The following WDSUB1 variants were observed in gnomAD, a reference collection of about 807,000 sequenced individuals.
WDSUB1 encodes WD repeat, SAM and U-box domain-containing protein 1.
Under a neutral mutation model 53.9 loss-of-function variants are expected in WDSUB1, and 49 were observed. That is an observed-to-expected ratio of 0.91 (90% CI 0.72 to 1.15). The LOEUF (loss-of-function observed/expected upper bound fraction) is 1.15, where lower values mean the gene tolerates loss of function less well. Among genes scored for constraint, WDSUB1 ranks in the 50% most tolerant of loss-of-function variants. The pLI is 0.00. For missense variants in WDSUB1, 514 were observed against 562.0 expected, an observed-to-expected ratio of 0.91 and a Z score of 0.86; for synonymous variants, 194 against 200.6, an observed-to-expected ratio of 0.97 and a Z score of 0.28.
intron 5 of WDSUB1, among the ~76,000 whole-genome samples, chr2:159,268,308 C>T (rs1230251014): frequency 2.0e-5 from 3 of 151,310 alleles, no homozygotes; most frequent in African/African-American, 7.2e-5. Flanking sequence ...GGCACATAAT[C>T]ATTCTGTCAG....
chr2:159,272,850 T>A (rs182241876), intron 4 of WDSUB1, among the ~76,000 whole-genome samples: 135 of 152,316 alleles, frequency 8.9e-4, no homozygotes, highest in Non-Finnish European at 1.8e-3. Flanking sequence ...TTTTCATGCT[T>A]TTAGAATTAC....
intron 9 of WDSUB1, among the ~76,000 whole-genome samples, chr2:159,255,429 TG>T (rs1186329223): frequency 6.6e-6 from 1 of 152,086 alleles, no homozygotes; most frequent in Non-Finnish European, 1.5e-5. Flanking sequence ...ATCGCGCCAC[TG>T]CACACCGGCC....
chr2:159,258,320 G>T (rs2061114535), intron 6 of WDSUB1, among the ~76,000 whole-genome samples: 1 of 152,062 alleles, frequency 6.6e-6, no homozygotes, highest in Non-Finnish European at 1.5e-5. Flanking sequence ...TCATATTTTT[G>T]ACTATGGCAT....
At position 159,283,023 on chromosome 2, in the gene WDSUB1, T is replaced by G. The variant is rs776731675; in HGVS notation, c.47A>C (p.Asn16Thr). 6.2e-7 allele frequency: 1 copy of G among 1,614,044 alleles called. No homozygotes were observed. Residue 16 changes from asparagine to threonine, a missense_variant, in exon 2 of 11, where the codon AAC (asparagine) becomes ACC (threonine). By Grantham distance (65) the Asn-to-Thr change is moderately conservative (BLOSUM62 0). Coordinates refer to ENST00000359774, the MANE Select transcript of WDSUB1 (RefSeq NM_001128212.3). ...HTLADHGDDV[N>T]CCAFSFSLLA... ...GAGGGAAAAGGAGAAGGCACAGCAG[T>G]TGACATCGTCACCATGATCAGCTAA... is the stretch of plus-strand genomic sequence containing the variant.
Position 159,236,192 on chromosome 2 carries a change from T to TAA in WDSUB1, c.1274-4_1274-3dup, listed in dbSNP as rs548179925. On this transcript the variant is annotated splice_polypyrimidine_tract_variant and splice_region_variant and intron_variant, in intron 10 of 10. Coordinates refer to ENST00000359774, the MANE Select transcript of WDSUB1 (RefSeq NM_001128212.3). ...CTTCCTTTTCATATGAATAGCCATC[T>TAA]AAAAAAAAAAAATCACACAAATTAC... The TAA allele has an allele frequency of 1.0e-4, 128 of 1,269,950 alleles. No homozygotes were observed. The highest frequency in any genetic ancestry group is 4.0e-4 in the South Asian group (28 of 69,916). 78.7% of individuals were successfully genotyped at this position (1,269,950 alleles called of 1,614,324 possible).
At chr2:159,244,398 A>G (rs1230814114) in intron 10 of WDSUB1, among the ~76,000 whole-genome samples, 4 of 152,014 alleles carry the variant, frequency 2.6e-5, no homozygotes, top group Non-Finnish European at 5.9e-5. Flanking sequence ...AAAAAAAAAA[A>G]AAAGCCAATA....
intron 2 of WDSUB1, among the ~76,000 whole-genome samples, chr2:159,280,319 A>T (rs544028004): frequency 9.8e-5 from 15 of 152,322 alleles, no homozygotes; most frequent in Admixed American, 7.2e-4. Context: ...CATATTTTTT[A>T]AAAAAGGTAA....
At chr2:159,243,863 A>G (rs2060720802) in intron 10 of WDSUB1, among the ~76,000 whole-genome samples, 1 of 152,240 alleles carries the variant, frequency 6.6e-6, no homozygotes, top group African/African-American at 2.4e-5. Context: ...CATCAACAGA[A>G]TGAATTATAT....
intron 5 of WDSUB1, 69 bp downstream of exon 5, chr2:159,271,633 T>G (rs2151128803): frequency 7.6e-7 from 1 of 1,313,182 alleles, no homozygotes; most frequent in East Asian, 2.3e-5. Flanking sequence ...TGAGGTTTCA[T>G]GTACTTTTCC....
chr2:159,248,435 TTCCTGAAGAAAG>T lies in WDSUB1; in HGVS notation c.1198_1209del (p.Leu400_Gly403del). The T allele has an allele frequency of 6.2e-7, 1 of 1,608,178 alleles. No individual in the cohort carries two copies. The highest frequency in any genetic ancestry group is 1.3e-5 in the African/African-American group (1 of 74,534). ...ATTGGACATATAAATTCATCAGGAA[TTCCTGAAGAAAG>T]GGATTTAACCTTGGTCCTGAGCTCT... On this transcript the variant is annotated inframe_deletion, in exon 10 of 11. Transcript: ENST00000359774.
intron 1 of WDSUB1, among the ~76,000 whole-genome samples, chr2:159,284,357 A>G (rs2061742442): frequency 6.6e-6 from 1 of 152,186 alleles, no homozygotes; most frequent in African/African-American, 2.4e-5. Context: ...TCTCAAAAAT[A>G]CCTCACTCCA....
In WDSUB1 at chr2:159,240,679, A is replaced by G. The variant is rs533553830; in HGVS notation, c.1274-4489T>C. ...GATGTAAGATATTGTTAGCATTCCT[A>G]TTTTATAAATGAGGAAACTGAGGTA... On this transcript the variant is annotated intron_variant, in intron 10 of 10. Transcript: ENST00000359774. Among the ~76,000 whole-genome samples the G allele has an allele frequency of 2.0e-5, 3 of 152,202 alleles. No homozygotes were observed. In the South Asian group the frequency reaches 6.2e-4, roughly 32 times the overall value.
chr2:159,284,498 AAAC>A (rs1430687955), intron 1 of WDSUB1, among the ~76,000 whole-genome samples: 2 of 152,222 alleles, frequency 1.3e-5, no homozygotes, highest in African/African-American at 4.8e-5. Flanking sequence ...TCTTAAAAAA[AAAC>A]AACAAAAGTC....
chr2:159,251,885 G>GC (rs1461652123), intron 9 of WDSUB1, among the ~76,000 whole-genome samples: 1 of 152,186 alleles, frequency 6.6e-6, no homozygotes, highest in Non-Finnish European at 1.5e-5. Flanking sequence ...ACAGCATAGA[G>GC]CAGAGATGTG....
chr2:159,282,744 G>A lies in WDSUB1; in HGVS notation c.326C>T (p.Ser109Phe). 1.2e-6 allele frequency: 2 copies of A among 1,614,142 alleles called. No individual in the cohort carries two copies. The highest frequency in any genetic ancestry group is 1.7e-6 in the Non-Finnish European group (2 of 1,180,028). ...AGCTGCCCCTGATGCCAAACACGTG[G>A]AGTCTGGGGAAAACTGGCAAACCCT... is the stretch of plus-strand genomic sequence containing the variant. Reference protein sequence around the residue: ...PVRVCQFSPDSTCLASGAADG... With the variant: ...PVRVCQFSPDFTCLASGAADG... Residue 109 changes from serine (S) to phenylalanine (F), a missense_variant, in exon 2 of 11, where the codon TCC becomes TTC. Physicochemically the swap from Ser to Phe is radical, Grantham distance 155. Coordinates refer to ENST00000359774, the MANE Select transcript of WDSUB1 (RefSeq NM_001128212.3).
At chr2:159,236,268 A>C in intron 10 of WDSUB1, 78 bp from the exon 11 acceptor site, 3 of 1,410,458 alleles carry the variant, frequency 2.1e-6, no homozygotes, top group Non-Finnish European at 2.9e-6. Context: ...GAATGTAAAA[A>C]CTCCCTGCAG....
At chr2:159,259,891 A>G (rs1281810923) in intron 5 of WDSUB1, 48 bp from the exon 6 acceptor site, 10 of 1,433,704 alleles carry the variant, frequency 7.0e-6, no homozygotes, top group Non-Finnish European at 9.4e-6. Flanking sequence ...AAAACAAAGT[A>G]CAGCATTTAT....
intron 4 of WDSUB1, among the ~76,000 whole-genome samples, chr2:159,273,863 G>A (rs544145147): frequency 6.6e-6 from 1 of 152,088 alleles, no homozygotes. Context: ...CCGATAAAAG[G>A]TTCTTCTCTA....
chr2:159,238,437 G>A (rs780102789), intron 10 of WDSUB1, among the ~76,000 whole-genome samples: 2 of 152,132 alleles, frequency 1.3e-5, no homozygotes, highest in African/African-American at 2.4e-5. Flanking sequence ...GGTACAAGCC[G>A]CTGCGCTCTG....
Sources: gnomAD v4.1 joint callset for allele counts (sites outside exome capture counted in the v4.1 genomes callset) on GRCh38, gnomAD v4.1.1 for gene constraint, MANE v1.5 for transcripts, NCBI Gene and HGNC (gene_info 2026-07-23, HGNC 2026-07-21) for gene names.